JPH2: variants seen among roughly 807,000 people sequenced by gnomAD.
JPH2 encodes the protein junctophilin-2.
Under a neutral mutation model 55.9 loss-of-function variants are expected in JPH2, and 38 were observed. The observed-to-expected ratio is 0.68, with a 90% CI of 0.52 to 0.89. The LOEUF is 0.89. JPH2 is among the 40% of genes least tolerant of loss of function. The pLI is 0.00. For synonymous variants in JPH2, 480 were observed against 472.4 expected (o/e 1.02, Z -0.21); for missense variants, 964 against 1,037.6 (o/e 0.93, Z 0.97).
At chr20:44,151,887 C>A (rs2072533232) in intron 2 of JPH2, among the ~76,000 whole-genome samples, 2 of 152,206 alleles carry the variant, frequency 1.3e-5, no homozygotes, top group Admixed American at 1.3e-4. Context: ...TTTGCACATG[C>A]TAGTTCCTCT....
intron 1 of JPH2, among the ~76,000 whole-genome samples, chr20:44,179,887 C>T (rs1390961004): frequency 6.6e-6 from 1 of 152,152 alleles, no homozygotes; most frequent in Non-Finnish European, 1.5e-5. Flanking sequence ...AAACAGGAGC[C>T]GTAACTACTT....
intron 2 of JPH2, among the ~76,000 whole-genome samples, chr20:44,156,017 C>T (rs546897819): frequency 1.4e-5 from 2 of 146,684 alleles, no homozygotes; most frequent in South Asian, 4.3e-4. Flanking sequence ...GCCTGGGCAA[C>T]ACAGTGAGAC....
In JPH2 at chr20:44,109,851, C is replaced by T. The variant is rs1319538071; in HGVS notation, c.*3667G>A. On this transcript the variant is annotated 3_prime_UTR_variant, in exon 6 of 6. Coordinates refer to ENST00000372980, the MANE Select transcript of JPH2 (RefSeq NM_020433.5). ...AGATTATGAAACTTCCCTTCTTGCC[C>T]GAATCCCAAATCTGACTCCCACGGT... Among the ~76,000 whole-genome samples the T allele has an allele frequency of 1.3e-5, 2 of 152,112 alleles. No homozygotes were observed. The highest frequency in any genetic ancestry group is 6.5e-5 in the Admixed American group (1 of 15,274).
chr20:44,149,058 T>C (rs1325315381), intron 2 of JPH2, among the ~76,000 whole-genome samples: 4 of 136,298 alleles, frequency 2.9e-5, no homozygotes, highest in Non-Finnish European at 6.2e-5. Context: ...AGAGCAAGAC[T>C]CCGTCTCAAA....
intron 1 of JPH2, chr20:44,177,921 T>A (rs1446735358): frequency 6.8e-7 from 1 of 1,466,190 alleles, no homozygotes; most frequent in African/African-American, 1.4e-5. Flanking sequence ...CAGTGCTTCA[T>A]TGTCTTGTTT....
chr20:44,184,110 T>C (rs1569224810), intron 1 of JPH2, among the ~76,000 whole-genome samples: 3 of 152,174 alleles, frequency 2.0e-5, no homozygotes, highest in South Asian at 2.1e-4. Flanking sequence ...TGAGCTGAGA[T>C]TGTGCCACTG....
chr20:44,128,782 G>C (rs1391664480), intron 2 of JPH2, among the ~76,000 whole-genome samples: 1 of 151,924 alleles, frequency 6.6e-6, no homozygotes, highest in Non-Finnish European at 1.5e-5. Context: ...GAACTCCTGG[G>C]CTCAAGTTAT....
At chr20:44,164,689 AAC>A (rs936821362) in intron 1 of JPH2, among the ~76,000 whole-genome samples, 16 of 151,396 alleles carry the variant, frequency 1.1e-4, no homozygotes, top group South Asian at 2.1e-4. Context: ...CAAACAAACA[AAC>A]AAACAAACAA....
chr20:44,115,074 C>G (rs371196798), intron 4 of JPH2, among the ~76,000 whole-genome samples, 198 bp from the exon 5 acceptor site: 2 of 152,088 alleles, frequency 1.3e-5, no homozygotes, highest in Non-Finnish European at 2.9e-5. Flanking sequence ...ATAACCAAAT[C>G]CCTCAGGACC....
intron 2 of JPH2, among the ~76,000 whole-genome samples, chr20:44,129,861 G>T (rs550604986): frequency 6.6e-6 from 1 of 152,224 alleles, no homozygotes; most frequent in South Asian, 2.1e-4. Flanking sequence ...GCAGAGATGG[G>T]AGTGATGTGT....
chr20:44,156,582 G>A (rs1298696092), intron 2 of JPH2, among the ~76,000 whole-genome samples: 2 of 152,106 alleles, frequency 1.3e-5, no homozygotes, highest in African/African-American at 2.4e-5. Context: ...CCTCCAAAAT[G>A]GCACTTCGCA....
intron 2 of JPH2, among the ~76,000 whole-genome samples, chr20:44,144,499 A>C (rs2072480012): frequency 6.6e-6 from 1 of 152,168 alleles, no homozygotes. Flanking sequence ...GACCAAGGAC[A>C]CTTGGTGGGC....
chr20:44,118,457 AC>A, intron 3 of JPH2, 47 bp downstream of exon 3: 1 of 1,426,316 alleles, frequency 7.0e-7, no homozygotes, highest in Non-Finnish European at 9.8e-7. Context: ...AAAAGCGCCC[AC>A]CCTAGGGATA....
At chr20:44,180,115 G>A (rs2072767643) in intron 1 of JPH2, among the ~76,000 whole-genome samples, 1 of 152,318 alleles carries the variant, frequency 6.6e-6, no homozygotes, top group South Asian at 2.1e-4. Flanking sequence ...CTACTGAGGA[G>A]GCTGAGGCAG....
chr20:44,137,384 G>C (rs370832871), intron 2 of JPH2, among the ~76,000 whole-genome samples: 5 of 152,038 alleles, frequency 3.3e-5, no homozygotes, highest in Non-Finnish European at 5.9e-5. Flanking sequence ...AGTCCTCCCA[G>C]CCCAGCGGCC....
intron 1 of JPH2, chr20:44,176,921 T>A: frequency 1.0e-6 from 1 of 985,396 alleles, no homozygotes; most frequent in East Asian, 1.1e-4. Context: ...CCAGCCTCCA[T>A]GTGTGACTCC....
chr20:44,170,369 A>G (rs749258527), intron 1 of JPH2, among the ~76,000 whole-genome samples: 11 of 152,206 alleles, frequency 7.2e-5, no homozygotes, highest in Non-Finnish European at 1.6e-4. Context: ...GCCATCGCTG[A>G]TCCTTCTCCA....
chr20:44,159,759 T>G lies in JPH2; in HGVS notation c.1028A>C (p.His343Pro). Residue 343 changes from histidine (H) to proline (P), a missense_variant, in exon 2 of 6, where the codon CAC becomes CCC. Physicochemically the swap from His to Pro is moderately conservative, Grantham distance 77 (BLOSUM62 -2). Coordinates refer to ENST00000372980, the MANE Select transcript of JPH2 (RefSeq NM_020433.5). This position sits in a 1 kb window ranked among gnomAD's most constrained non-coding sequence, Gnocchi z 5.7. ...CTTGGTGTCCTTGACCAGCACGTTG[T>G]GGCGGTACTTGCCCTCCTCGCGGTG... The part of the protein sequence containing the change: ...DGHREEGKYR[H>P]NVLVKDTKRR... The G allele has an allele frequency of 6.2e-7, 1 of 1,613,680 alleles. No individual in the cohort carries two copies.
intron 2 of JPH2, among the ~76,000 whole-genome samples, chr20:44,124,517 A>C (rs1054050704): frequency 7.2e-5 from 11 of 152,288 alleles, no homozygotes; most frequent in South Asian, 4.1e-4. Context: ...CTGAACATCC[A>C]AAAATCCCTT....
Sources: allele counts gnomAD v4.1 joint callset (sites outside exome capture counted in the v4.1 genomes callset), GRCh38; gene constraint gnomAD v4.1.1; non-coding constraint Gnocchi (gnomAD v3.1); transcripts MANE v1.5; gene names NCBI Gene and HGNC (gene_info 2026-07-23, HGNC 2026-07-21).